Variants in NAV3 observed in about 807,000 individuals in gnomAD.
NAV3 encodes the protein pore membrane and/or filament interacting like protein 1.
NAV3 carries 87 observed loss-of-function variants against 244.7 expected under a neutral mutation model. That is an observed-to-expected ratio of 0.36 (90% CI 0.30 to 0.42). The LOEUF (loss-of-function observed/expected upper bound fraction) is 0.42, where lower values mean the gene tolerates loss of function less well. Among genes scored for constraint, NAV3 ranks in the 20% least tolerant of loss-of-function variants. NAV3 has a pLI of 1.00. For synonymous variants in NAV3, 1,126 were observed against 1,042.2 expected, an observed-to-expected ratio of 1.08 and a Z score of -1.55; for missense variants, 2,663 against 2,893.3, an observed-to-expected ratio of 0.92 and a Z score of 1.83.
chr12:77,734,825 TTTTAAGTGAAAGTAAATAC>T (rs1877270567), intron 2 of NAV3, among the ~76,000 whole-genome samples: 1 of 152,162 alleles, frequency 6.6e-6, no homozygotes, highest in African/African-American at 2.4e-5. Context: ...GACCAGTTTC[TTTTAAGTGAAAGTAAATAC>T]TAGAACGCAA....
chr12:77,934,604 C>G (rs1205008696), intron 1 of NAV3, among the ~76,000 whole-genome samples: 1 of 152,168 alleles, frequency 6.6e-6, no homozygotes, highest in Non-Finnish European at 1.5e-5. Context: ...CACTGATCAC[C>G]TTTCCCTAAG....
At chr12:78,184,963 C>G (rs989232556) in intron 30 of NAV3, among the ~76,000 whole-genome samples, 1 of 151,776 alleles carries the variant, frequency 6.6e-6, no homozygotes, top group African/African-American at 2.4e-5. Context: ...TTAAAGGTAG[C>G]TAACTTTATC....
At chr12:77,904,667 G>A (rs937496335) in intron 1 of NAV3, among the ~76,000 whole-genome samples, 17 of 151,970 alleles carry the variant, frequency 1.1e-4, no homozygotes, top group African/African-American at 4.1e-4. Flanking sequence ...GAAAAATGTG[G>A]TAAAGATTAT....
At chr12:78,067,924 G>A (rs78665935) in intron 12 of NAV3, among the ~76,000 whole-genome samples, 1,752 of 151,958 alleles carry the variant, frequency 0.012, 16 homozygotes, top group Middle Eastern at 0.075. Context: ...TGAATCTTAT[G>A]AGGATGGTAA....
chr12:77,627,388 A>G (rs1871681115), intron 2 of NAV3, among the ~76,000 whole-genome samples: 1 of 152,154 alleles, frequency 6.6e-6, no homozygotes, highest in East Asian at 1.9e-4. Flanking sequence ...TAGACTAACC[A>G]TGACAAAGAA....
intron 2 of NAV3, among the ~76,000 whole-genome samples, chr12:77,688,860 C>T (rs1874878242): frequency 6.6e-6 from 1 of 151,574 alleles, no homozygotes. Flanking sequence ...CAGTGTGCCG[C>T]ATGATTTATA....
chr12:77,585,996 A>G (rs1869591811), intron 2 of NAV3, among the ~76,000 whole-genome samples: 1 of 152,104 alleles, frequency 6.6e-6, no homozygotes. Flanking sequence ...CCCCATCTCT[A>G]CTAAAAATAC....
At chr12:77,808,710 G>C (rs1291959245) in intron 2 of NAV3, among the ~76,000 whole-genome samples, 2 of 152,194 alleles carry the variant, frequency 1.3e-5, no homozygotes, top group Non-Finnish European at 1.5e-5. Flanking sequence ...ACTCTGCTGG[G>C]AGACCTGCTG....
At chr12:77,827,236 CAAAAAA>C (rs10615824), upstream of NAV3, among the ~76,000 whole-genome samples, 46 of 68,546 alleles carry the variant, frequency 6.7e-4, no homozygotes, top group South Asian at 0.011. Context: ...ACTCTGTCTC[CAAAAAA>C]AAAAAAAAAA....
intron 2 of NAV3, among the ~76,000 whole-genome samples, chr12:77,589,956 C>G (rs1869830917): frequency 1.3e-5 from 2 of 152,180 alleles, no homozygotes; most frequent in African/African-American, 4.8e-5. Flanking sequence ...ACAGTCTTTT[C>G]CCATAGGGTT....
At chr12:77,671,194 C>A (rs185050357) in intron 2 of NAV3, among the ~76,000 whole-genome samples, 5 of 151,460 alleles carry the variant, frequency 3.3e-5, no homozygotes, top group Admixed American at 6.6e-5. Context: ...ACAAGGGCTG[C>A]AAACAAACAA....
chr12:77,833,101 C>T (rs1330947633), intron 1 of NAV3, among the ~76,000 whole-genome samples: 1 of 152,196 alleles, frequency 6.6e-6, no homozygotes, highest in Admixed American at 6.5e-5. Flanking sequence ...GCTATCCCTT[C>T]CCCACCATTC....
At chr12:77,752,688 C>T (rs1868921609) in intron 2 of NAV3, among the ~76,000 whole-genome samples, 2 of 152,082 alleles carry the variant, frequency 1.3e-5, no homozygotes, top group African/African-American at 2.4e-5. Context: ...TTTTCCTCAA[C>T]TGTAAAATGA....
intron 2 of NAV3, among the ~76,000 whole-genome samples, chr12:77,693,254 T>G (rs1466453444): frequency 1.3e-5 from 2 of 152,118 alleles, no homozygotes; most frequent in Non-Finnish European, 2.9e-5. Context: ...TGCTGTTATT[T>G]TACAAAAGAA....
chr12:77,752,753 G>T (rs1048776498), intron 2 of NAV3, among the ~76,000 whole-genome samples: 2 of 152,052 alleles, frequency 1.3e-5, no homozygotes, highest in Admixed American at 1.3e-4. Flanking sequence ...TAAGGCAAGC[G>T]ACTGAATACA....
At chr12:77,616,414 G>A (rs1871144990) in intron 2 of NAV3, among the ~76,000 whole-genome samples, 6 of 152,022 alleles carry the variant, frequency 3.9e-5, no homozygotes, top group Admixed American at 2.0e-4. Context: ...GGGTATTTTG[G>A]TGCAAAAATT....
intron 7 of NAV3, among the ~76,000 whole-genome samples, chr12:78,003,289 A>G (rs1295302839): frequency 6.6e-6 from 1 of 152,102 alleles, no homozygotes; most frequent in Non-Finnish European, 1.5e-5. Context: ...TTGTGGAATT[A>G]AAGTCCTAAT....
intron 1 of NAV3, among the ~76,000 whole-genome samples, chr12:77,893,501 A>G (rs1255127676): frequency 6.6e-6 from 1 of 152,136 alleles, no homozygotes; most frequent in African/African-American, 2.4e-5. Context: ...TGACATTGTC[A>G]TGTCTGTATA....
At chr12:77,846,295 G>A (rs1876621194) in intron 1 of NAV3, among the ~76,000 whole-genome samples, 2 of 152,212 alleles carry the variant, frequency 1.3e-5, no homozygotes, top group African/African-American at 4.8e-5. Context: ...TTCTCTAAAA[G>A]TTAATTCATT....
Sources: gnomAD v4.1 joint callset for allele counts (sites outside exome capture counted in the v4.1 genomes callset) on GRCh38, gnomAD v4.1.1 for gene constraint, MANE v1.5 for transcripts, NCBI Gene and HGNC (gene_info 2026-07-23, HGNC 2026-07-21) for gene names.